The following BRCA1 variants were observed in gnomAD, a reference collection of about 807,000 sequenced individuals.
The protein encoded by BRCA1 is BRCA1 DNA repair associated, also known as breast cancer type 1 susceptibility protein.
A neutral mutation model predicts 173.7 loss-of-function variants in BRCA1; 140 were observed. The ratio of observed to expected loss-of-function variants is 0.81; its 90% CI spans 0.70 to 0.93. The LOEUF (loss-of-function observed/expected upper bound fraction) is 0.93. BRCA1 is among the 40% of genes least tolerant of loss of function. BRCA1 has a pLI of 0.00. For synonymous variants in BRCA1, 662 were observed against 756.0 expected (o/e 0.88, Z 2.04); for missense variants, 1,983 against 2,172.5 (o/e 0.91, Z 1.73).
intron 1 of BRCA1, chr17:43,163,201 C>T (rs1357293732): frequency 6.6e-6 from 1 of 152,188 alleles, no homozygotes; most frequent in African/African-American, 2.4e-5. Flanking sequence ...TGGGGGCCAG[C>T]CTTTGGAAAT....
In BRCA1 at chr17:43,049,205, C is replaced by T. The variant is rs1057524666; in HGVS notation, c.5333-11G>A. 1 of 1,610,334 alleles carries T rather than the reference C, an allele frequency of 6.2e-7. No individual in the cohort carries two copies. The highest frequency in any genetic ancestry group is 2.2e-5 in the East Asian group (1 of 44,858). On this transcript the variant is annotated splice_polypyrimidine_tract_variant and intron_variant, in intron 20 of 22. Coordinates refer to ENST00000357654, the MANE Select transcript of BRCA1 (RefSeq NM_007294.4). ...TCCATTCCAGTTGATCTAAAATGGACATTTAGATGTAAAATCACTGCAGTA... is the reference window on the plus strand; with the variant it reads ...TCCATTCCAGTTGATCTAAAATGGATATTTAGATGTAAAATCACTGCAGTA...
In BRCA1 at chr17:43,067,684, G is replaced by A. The variant is rs730882165; in HGVS notation, c.4998C>T (p.Tyr1666=). ...TGATGTGGTGTTTTCTGGCAAACTT[G>A]TACACGAGCATCTGAAATTAAATCA... ...GLTPEEFMLV[Y]KFARKHHITL... is the part of the protein sequence containing the mutation. Residue 1666 remains tyrosine (Y), a synonymous_variant, in exon 16 of 23, where the codon TAC becomes TAT. Coordinates refer to ENST00000357654, the MANE Select transcript of BRCA1 (RefSeq NM_007294.4). The A allele has an allele frequency of 1.2e-6, 2 of 1,611,880 alleles. No homozygotes were observed. The highest frequency in any genetic ancestry group is 4.5e-5 in the East Asian group (2 of 44,864).
In BRCA1 at chr17:43,096,433, G is replaced by C. The variant is rs185052954; in HGVS notation, c.594-511C>G. Reference sequence around the variant, plus strand: ...AAATGGAATGGTCAATTAACCGGGCGTGGTGGTGTATACCTGTAGTCCCAG... The same window carrying C: ...AAATGGAATGGTCAATTAACCGGGCCTGGTGGTGTATACCTGTAGTCCCAG... On this transcript the variant is annotated intron_variant, in intron 8 of 22. Coordinates refer to ENST00000357654, the MANE Select transcript of BRCA1 (RefSeq NM_007294.4). Among the ~76,000 whole-genome samples, 8 of 150,106 alleles carry C rather than the reference G, an allele frequency of 5.3e-5. No homozygotes were observed. The East Asian group carries it at 1.6e-3, about 30-fold the overall frequency.
intron 1 of BRCA1, among the ~76,000 whole-genome samples, chr17:43,154,325 A>C (rs2056182372): frequency 6.6e-6 from 1 of 152,052 alleles, no homozygotes; most frequent in Non-Finnish European, 1.5e-5. Context: ...CTCTACTAAA[A>C]ATACAAAAAC....
At chr17:43,100,669 TATATATATAATATATATA>T (rs2054406018) in intron 6 of BRCA1, among the ~76,000 whole-genome samples, 2 of 24,776 alleles carry the variant, frequency 8.1e-5, no homozygotes, top group African/African-American at 5.4e-4. Flanking sequence ...TATATATATA[TATATATATAATATATATA>T]TATATATATA....
intron 1 of BRCA1, chr17:43,161,129 C>T (rs2056233366): frequency 6.6e-6 from 1 of 152,210 alleles, no homozygotes; most frequent in Non-Finnish European, 1.5e-5. Context: ...CAGACCTCTC[C>T]TTCAGCTGCT....
chr17:43,086,704 A>G (rs2053243682), intron 11 of BRCA1, among the ~76,000 whole-genome samples: 1 of 152,244 alleles, frequency 6.6e-6, no homozygotes, highest in South Asian at 2.1e-4. Flanking sequence ...CAGAAATTGC[A>G]ACCTTAAACT....
Position 43,092,160 on chromosome 17 carries a change from A to C in BRCA1, c.3371T>G (p.Phe1124Cys). ...EEVVQTVNTD[F>C]SPYLISDNLE... ...GTTATCTGAAATCAGATATGGAGAGAAATCTGTATTAACAGTCTGAACTAC... is the reference window on the plus strand; with the variant it reads ...GTTATCTGAAATCAGATATGGAGAGCAATCTGTATTAACAGTCTGAACTAC... The change falls in exon 10 of 23, where the codon TTC becomes TGC. Residue 1124 changes from phenylalanine (F) to cysteine (C), a missense_variant. By Grantham distance (205) the Phe-to-Cys change is radical. Coordinates refer to ENST00000357654, the MANE Select transcript of BRCA1 (RefSeq NM_007294.4). The C allele has an allele frequency of 6.2e-7, 1 of 1,613,498 alleles. No homozygotes were observed. Among genetic ancestry groups the C allele is most frequent in the African/African-American group, 1.3e-5 (1 of 75,050 alleles).
At chr17:43,135,683 C>T (rs1264800931) in intron 1 of BRCA1, among the ~76,000 whole-genome samples, 1 of 152,186 alleles carries the variant, frequency 6.6e-6, no homozygotes, top group East Asian at 1.9e-4. Flanking sequence ...CCCTCTAAAG[C>T]CTCGGCTCCA....
rs1159068890 is a variant in BRCA1 at position 43,075,136 on chromosome 17, C to A, written c.4485-615G>T. On this transcript the variant is annotated intron_variant, in intron 13 of 22. Transcript: ENST00000357654. ...TAAAAGCAGGTCAGCAAATTTTTAC[C>A]AAATTACTCACTGCCACTCACTCTA... Among the ~76,000 whole-genome samples the A allele has an allele frequency of 4.6e-5, 7 of 151,926 alleles. 1 individual carries two copies. In the East Asian group the frequency reaches 1.4e-3, roughly 29 times the overall value.
chr17:43,163,990 T>C, intron 1 of BRCA1: 1 of 152,252 alleles, frequency 6.6e-6, no homozygotes, highest in East Asian at 1.9e-4. Context: ...AGCCCACATC[T>C]GGTCGACTGG....
rs914354585 is a variant in BRCA1 at position 43,045,573 on chromosome 17, A to G, written c.*105T>C. 1 of 1,494,194 alleles carries G rather than the reference A, an allele frequency of 6.7e-7. No individual in the cohort carries two copies. The highest frequency in any genetic ancestry group is 9.2e-7 in the Non-Finnish European group (1 of 1,081,982). 92.6% of individuals were successfully genotyped at this position (1,494,194 alleles called of 1,614,324 possible). ...GTACATAAAATATTTAGTAGCCAGG[A>G]CAGTAGAAGGACTGAAGAGTGAGAG... On this transcript the variant is annotated 3_prime_UTR_variant, in exon 23 of 23. Coordinates refer to ENST00000357654, the MANE Select transcript of BRCA1 (RefSeq NM_007294.4).
intron 1 of BRCA1, chr17:43,139,726 G>A (rs1425223972): frequency 2.6e-6 from 1 of 385,378 alleles, no homozygotes; most frequent in Non-Finnish European, 5.2e-6. Context: ...AGTGTCTGTT[G>A]TTCCCTTCTT....
At chr17:43,109,894 G>T (rs892479569) in intron 3 of BRCA1, among the ~76,000 whole-genome samples, 2 of 151,276 alleles carry the variant, frequency 1.3e-5, no homozygotes, top group Non-Finnish European at 2.9e-5. Flanking sequence ...ATAAGGATTC[G>T]AATCTTTTTT....
chr17:43,098,142 T>C (rs1327410580), intron 7 of BRCA1, among the ~76,000 whole-genome samples: 1 of 151,268 alleles, frequency 6.6e-6, no homozygotes, highest in Admixed American at 6.6e-5. Flanking sequence ...CACTCACCTC[T>C]GCCTCCTGAG....
chr17:43,153,051 A>AAAAT (rs2056173188), intron 1 of BRCA1, among the ~76,000 whole-genome samples: 1 of 151,934 alleles, frequency 6.6e-6, no homozygotes, highest in Non-Finnish European at 1.5e-5. Context: ...AATAATAATA[A>AAAAT]AAATAAATAA....
intron 1 of BRCA1, among the ~76,000 whole-genome samples, chr17:43,147,192 G>T (rs1313953190): frequency 6.6e-6 from 1 of 152,040 alleles, no homozygotes; most frequent in African/African-American, 2.4e-5. Context: ...TAGCGACGGG[G>T]TTTCTTTTTT....
intron 1 of BRCA1, among the ~76,000 whole-genome samples, chr17:43,139,200 A>C (rs961403302): frequency 8.3e-6 from 1 of 120,146 alleles, no homozygotes; most frequent in Non-Finnish European, 1.8e-5. Context: ...TAAATTTATC[A>C]TTTTTCTTTT....
At chr17:43,154,123 T>C (rs1330534998) in intron 1 of BRCA1, among the ~76,000 whole-genome samples, 1 of 151,780 alleles carries the variant, frequency 6.6e-6, no homozygotes. Flanking sequence ...GAGGTGGAGG[T>C]TGCAGAGTGA....
Sources: gnomAD v4.1 joint callset for allele counts (sites outside exome capture counted in the v4.1 genomes callset) on GRCh38, gnomAD v4.1.1 for gene constraint, MANE v1.5 for transcripts, NCBI Gene and HGNC (gene_info 2026-07-23, HGNC 2026-07-21) for gene names.